The following FHIP2B variants were observed in gnomAD, a reference collection of about 807,000 sequenced individuals.
FHIP2B encodes the protein FHF complex subunit HOOK-interacting protein 2B.
Under a neutral mutation model 84.0 loss-of-function variants are expected in FHIP2B, and 72 were observed. That is an observed-to-expected ratio of 0.86 (90% CI 0.71 to 1.04). The LOEUF (loss-of-function observed/expected upper bound fraction) is 1.04. Among genes scored for constraint, FHIP2B ranks in the 50% least tolerant of loss-of-function variants. The pLI is 0.00. For missense variants in FHIP2B, 972 were observed against 968.9 expected (o/e 1.00, Z -0.04); for synonymous variants, 497 against 418.7 (o/e 1.19, Z -2.28).
chr8:22,101,791 T>A lies in FHIP2B; in HGVS notation c.1791T>A (p.Pro597=). The change falls in exon 14 of 17, where the codon CCT becomes CCA. Residue 597 remains proline (P), a synonymous_variant. Coordinates refer to ENST00000289921, the MANE Select transcript of FHIP2B (RefSeq NM_022749.7). The part of the protein sequence containing the change: ...TPLDPHEPER[P]FFEGHFLRVL... Reference sequence around the variant, plus strand: ...TGGACCCCCATGAGCCCGAGCGACCTTTCTTCGAGGGCCACTTCCTCCGAG... The same window carrying A: ...TGGACCCCCATGAGCCCGAGCGACCATTCTTCGAGGGCCACTTCCTCCGAG... 1 of 1,613,564 alleles carries A rather than the reference T, an allele frequency of 6.2e-7. No individual in the cohort carries two copies. The highest frequency in any genetic ancestry group is 8.5e-7 in the Non-Finnish European group (1 of 1,179,804).
chr8:22,100,440 C>A, intron 10 of FHIP2B, 154 bp from the exon 11 acceptor site: 1 of 739,358 alleles, frequency 1.4e-6, no homozygotes, highest in Non-Finnish European at 1.9e-6. Flanking sequence ...AGGCCCACAC[C>A]CCCCAACTAC....
intron 8 of FHIP2B, 105 bp from the exon 9 acceptor site, chr8:22,099,179 G>C: frequency 6.6e-7 from 1 of 1,521,314 alleles, no homozygotes; most frequent in Non-Finnish European, 8.9e-7. Context: ...GCCCCAGGCG[G>C]GCCGGGACCC....
Position 22,089,229 on chromosome 8 carries a change from C to T in FHIP2B, c.-25C>T, listed in dbSNP as rs1245981712. ...GAGCGCTGCCGCCGCCGCTTTCGCC[C>T]GGGAGCCGGGGGCCGGGCGCCATCA... On this transcript the variant is annotated 5_prime_UTR_variant, in exon 1 of 17. Transcript: ENST00000289921. The T allele has an allele frequency of 1.1e-5, 12 of 1,060,256 alleles. No individual in the cohort carries two copies. Among genetic ancestry groups the T allele is most frequent in the Non-Finnish European group, 1.4e-5 (12 of 879,478 alleles). The allele number at this position is 1,060,256 out of a possible 1,614,324, so 65.7% of individuals were successfully genotyped here.
At chr8:22,102,507 C>G in intron 15 of FHIP2B, 21 bp from the exon 16 acceptor site, 3 of 1,551,498 alleles carry the variant, frequency 1.9e-6, no homozygotes, top group Non-Finnish European at 2.6e-6. Context: ...CCATCTGAGT[C>G]CCCTGTGATT....
intron 1 of FHIP2B, among the ~76,000 whole-genome samples, chr8:22,091,078 C>T (rs1036670084): frequency 3.9e-5 from 6 of 151,996 alleles, no homozygotes; most frequent in African/African-American, 1.2e-4. Context: ...TACAGGGAGA[C>T]GGGAATTCCT....
At chr8:22,098,823 A>G (rs572083544) in intron 7 of FHIP2B, 125 bp from the exon 8 acceptor site, 40 of 986,532 alleles carry the variant, frequency 4.1e-5, no homozygotes, top group Non-Finnish European at 3.3e-5. Flanking sequence ...AAAACCCCCA[A>G]GATAACTGAT....
chr8:22,099,085 C>G (rs745545835), intron 8 of FHIP2B, 29 bp downstream of exon 8: 37 of 1,545,614 alleles, frequency 2.4e-5, no homozygotes, highest in Non-Finnish European at 3.3e-5. Flanking sequence ...AGGCCGGGCT[C>G]TCATGCTGTT....
rs201742574 is a variant in FHIP2B, at chr8:22,102,573, C to T, written c.2038C>T (p.Pro680Ser). The T allele has an allele frequency of 6.7e-4, 1,048 of 1,564,346 alleles. 2 individuals carry two copies. Among genetic ancestry groups the T allele is most frequent in the Non-Finnish European group, 7.6e-4 (878 of 1,154,860 alleles). ...MQRIQRVPQFPGKLLLVRKQL... is the reference protein window; with the variant it reads ...MQRIQRVPQFSGKLLLVRKQL... ...GAGAATCCAGAGGGTACCCCAGTTCCCAGGCAAGCTGCTCCTGGTGCGCAA... is the reference window on the plus strand; with the variant it reads ...GAGAATCCAGAGGGTACCCCAGTTCTCAGGCAAGCTGCTCCTGGTGCGCAA... The change falls in exon 16 of 17, where the codon CCA becomes TCA. Residue 680 changes from proline (P) to serine (S), a missense_variant. Pro to Ser is a moderately conservative substitution (Grantham distance 74). Transcript: ENST00000289921.
rs1012990838 is a variant in FHIP2B, at chr8:22,096,504, G to C, written c.292G>C (p.Ala98Pro). Residue 98 changes from alanine (A) to proline (P), a missense_variant, in exon 3 of 17, where the codon GCC becomes CCC. Physicochemically the swap from Ala to Pro is conservative, Grantham distance 27. Transcript: ENST00000289921. Reference sequence around the variant, plus strand: ...GGAGACTCTCTGCACGCTGGGCAAGGCCGAGGTGGGAGGCCCTCTGCGCGC... The same window carrying C: ...GGAGACTCTCTGCACGCTGGGCAAGCCCGAGGTGGGAGGCCCTCTGCGCGC... ...ILETLCTLGK[A>P]EYPPGMRQQV... 4 of 1,532,676 alleles carry C rather than the reference G, an allele frequency of 2.6e-6. No homozygotes were observed. The highest frequency in any genetic ancestry group is 3.5e-6 in the Non-Finnish European group (4 of 1,134,758). 94.9% of individuals were successfully genotyped at this position (1,532,676 alleles called of 1,614,324 possible).
chr8:22,090,159 G>GGT (rs576905071), intron 1 of FHIP2B, among the ~76,000 whole-genome samples: 4 of 133,762 alleles, frequency 3.0e-5, no homozygotes, highest in African/African-American at 5.4e-5. Context: ...AGGGTGGGGG[G>GGT]GGTGCCCGCT....
chr8:22,100,751 C>G lies in FHIP2B; in HGVS notation c.1487+12C>G. 1 of 1,604,716 alleles carries G rather than the reference C, an allele frequency of 6.2e-7. No individual in the cohort carries two copies. The highest frequency in any genetic ancestry group is 8.5e-7 in the Non-Finnish European group (1 of 1,173,914). On this transcript the variant is annotated intron_variant, in intron 11 of 16. Coordinates refer to ENST00000289921, the MANE Select transcript of FHIP2B (RefSeq NM_022749.7). ...TATGAGGACACCCTGTAAGTGAAAC[C>G]GGCGCCCTTTGGACTCAGCCCAGCC...
rs1295131651 is a variant in FHIP2B, at chr8:22,101,861, G to A, written c.1851+10G>A. 3.1e-6 allele frequency: 5 copies of A among 1,612,452 alleles called. No individual in the cohort carries two copies. The highest frequency in any genetic ancestry group is 4.2e-6 in the Non-Finnish European group (5 of 1,179,426). On this transcript the variant is annotated intron_variant, in intron 14 of 16. Coordinates refer to ENST00000289921, the MANE Select transcript of FHIP2B (RefSeq NM_022749.7). ...CCGGATTCTGGATCAGGTAGCTAGT[G>A]GGCCTGGGCCAGGAGAACTCCAGGC...
rs142253376 is a variant in FHIP2B, at chr8:22,093,409, G to T, written c.46-1031G>T. Reference sequence around the variant, plus strand: ...CCAGTATCAGCCATGGTGTAGAGATGGAGAGAGCACTCATGGAAAAGGGGG... The same window carrying T: ...CCAGTATCAGCCATGGTGTAGAGATTGAGAGAGCACTCATGGAAAAGGGGG... On this transcript the variant is annotated intron_variant, in intron 1 of 16. Transcript: ENST00000289921. Among the ~76,000 whole-genome samples the T allele has an allele frequency of 9.3e-3, 1,420 of 152,154 alleles. 11 individuals carry two copies. Among genetic ancestry groups the T allele is most frequent in the Non-Finnish European group, 0.011 (772 of 67,998 alleles).
chr8:22,089,268 C>A lies in FHIP2B; in HGVS notation c.15C>A (p.Leu5=). ...CGGGCGCCATCATGCTGAGCCGGCT[C>A]GGGGCGCTGCTGCAGGAAGCCGTGG... MLSR[L]GALLQEAVGA... The change falls in exon 1 of 17, where the codon CTC becomes CTA. Residue 5 remains leucine (L), a synonymous_variant. Coordinates refer to ENST00000289921, the MANE Select transcript of FHIP2B (RefSeq NM_022749.7). 1 of 1,051,058 alleles carries A rather than the reference C, an allele frequency of 9.5e-7. No individual in the cohort carries two copies. Among genetic ancestry groups the A allele is most frequent in the Non-Finnish European group, 1.1e-6 (1 of 873,974 alleles). The allele number at this position is 1,051,058 out of a possible 1,614,324, so 65.1% of individuals were successfully genotyped here. A position where few individuals can be genotyped will look rare whatever the true frequency, so the allele number is the denominator to read the frequency against.
At position 22,099,731 on chromosome 8, in the gene FHIP2B, C is replaced by T. The variant is rs753930607; in HGVS notation, c.1179C>T (p.Thr393=). ...CCGAGCAGAGCATCTTGACCTCCACCGCCCTCCTCACAGCCATGCTGCGCC... is the reference window on the plus strand; with the variant it reads ...CCGAGCAGAGCATCTTGACCTCCACTGCCCTCCTCACAGCCATGCTGCGCC... ...HVSEQSILTS[T]ALLTAMLRQL... is the part of the protein sequence containing the mutation. The change falls in exon 10 of 17, where the codon ACC becomes ACT. Residue 393 remains threonine, a synonymous_variant. Transcript: ENST00000289921. 116 of 1,596,936 alleles carry T rather than the reference C, an allele frequency of 7.3e-5. No individual in the cohort carries two copies. Among genetic ancestry groups the T allele is most frequent in the East Asian group, 1.8e-4 (8 of 44,656 alleles).
Position 22,104,060 on chromosome 8 carries a change from C to T in FHIP2B, c.*1129C>T, listed in dbSNP as rs1398677773. ...TTTTGCTTCCTTTTCTTGCCCATGC[C>T]GCTTCTAGAAGCCAGGCACAGGTTG... On this transcript the variant is annotated 3_prime_UTR_variant, in exon 17 of 17. Coordinates refer to ENST00000289921, the MANE Select transcript of FHIP2B (RefSeq NM_022749.7). 1 of 152,498 alleles carries T rather than the reference C, an allele frequency of 6.6e-6. No individual in the cohort carries two copies. The highest frequency in any genetic ancestry group is 6.5e-5 in the Admixed American group (1 of 15,286). 9.4% of individuals were successfully genotyped at this position (152,498 alleles called of 1,614,324 possible).
intron 1 of FHIP2B, among the ~76,000 whole-genome samples, chr8:22,091,573 G>A (rs942404263): frequency 1.3e-5 from 2 of 152,202 alleles, no homozygotes; most frequent in Non-Finnish European, 2.9e-5. Context: ...AAGAGAAATT[G>A]TTGGGTCTAG....
chr8:22,094,610 G>T, intron 2 of FHIP2B, 92 bp downstream of exon 2: 2 of 1,582,954 alleles, frequency 1.3e-6, no homozygotes, highest in South Asian at 1.1e-5. Context: ...CCTGGGAAAG[G>T]TAACCTGCCC....
At chr8:22,099,236 C>T in intron 8 of FHIP2B, 48 bp from the exon 9 acceptor site, 1 of 1,602,998 alleles carries the variant, frequency 6.2e-7, no homozygotes, top group Non-Finnish European at 8.5e-7. Flanking sequence ...TATTTCTCAG[C>T]TGGAATTGTA....
Sources: gnomAD v4.1 joint callset for allele counts (sites outside exome capture counted in the v4.1 genomes callset) on GRCh38, gnomAD v4.1.1 for gene constraint, MANE v1.5 for transcripts, NCBI Gene and HGNC (gene_info 2026-07-23, HGNC 2026-07-21) for gene names.